SLC2A14: variants seen among roughly 807,000 people sequenced by gnomAD.
SLC2A14 encodes the protein solute carrier family 2, facilitated glucose transporter member 14.
SLC2A14 carries 13 observed loss-of-function variants against 43.0 expected under a neutral mutation model. The ratio of observed to expected loss-of-function variants is 0.30; its 90% CI spans 0.20 to 0.48. The LOEUF (loss-of-function observed/expected upper bound fraction) is 0.48, where lower values mean the gene tolerates loss of function less well. SLC2A14 is among the 20% of genes least tolerant of loss of function. The pLI is 0.99. For missense variants in SLC2A14, 428 were observed against 620.4 expected (o/e 0.69, Z 3.29); for synonymous variants, 190 against 233.8 (o/e 0.81, Z 1.71).
At chr12:7,879,403 C>T (rs114445440) in intron 1 of SLC2A14, among the ~76,000 whole-genome samples, 2,617 of 151,598 alleles carry the variant, frequency 0.017, 68 homozygotes, top group African/African-American at 0.059. Flanking sequence ...AAAAAGAGGC[C>T]AGGTGCTATG....
chr12:7,836,111 C>G (rs1865428802), intron 2 of SLC2A14, among the ~76,000 whole-genome samples: 3 of 152,242 alleles, frequency 2.0e-5, no homozygotes, highest in East Asian at 3.9e-4. Flanking sequence ...GTGAATTATC[C>G]TAAATCAAAA....
chr12:7,849,854 G>A (rs1262844550), intron 2 of SLC2A14, among the ~76,000 whole-genome samples: 3 of 149,478 alleles, frequency 2.0e-5, no homozygotes, highest in Admixed American at 6.7e-5. Flanking sequence ...GCAGTGAGCC[G>A]AGATCAGGGC....
At position 7,881,336 on chromosome 12, in the gene SLC2A14, CG is replaced by C. The variant is rs751172217; in HGVS notation, c.132+9659del. On this transcript the variant is annotated intron_variant, in intron 1 of 9. Coordinates refer to the SLC2A14 transcript ENST00000539924. Reference sequence around the variant, plus strand: ...GGTGCTTGCGGGCCAGCACGAGTTCCGGGTGGGTTTGGGCTCGGCGGGCCCC... The same window carrying C: ...GGTGCTTGCGGGCCAGCACGAGTTCCGGTGGGTTTGGGCTCGGCGGGCCCC... 1.1e-4 allele frequency among the ~76,000 whole-genome samples: 16 copies of C among 151,722 alleles called. No individual in the cohort carries two copies. The East Asian group carries it at 2.9e-3, about 28-fold the overall frequency.
At chr12:7,850,227 A>T (rs73057321) in intron 2 of SLC2A14, among the ~76,000 whole-genome samples, 19,562 of 151,868 alleles carry the variant, frequency 0.13, 1,309 homozygotes, top group Non-Finnish European at 0.14. Flanking sequence ...GTTTGTGGGA[A>T]GGCTGGGGAA....
chr12:7,832,100 T>G (rs1303936356), intron 3 of SLC2A14, among the ~76,000 whole-genome samples: 1 of 152,234 alleles, frequency 6.6e-6, no homozygotes, highest in East Asian at 1.9e-4. Flanking sequence ...AGAGCGAGAC[T>G]ACATCTCAAA....
chr12:7,877,869 A>G (rs1437904768), upstream of SLC2A14, among the ~76,000 whole-genome samples: 2 of 152,176 alleles, frequency 1.3e-5, no homozygotes, highest in Non-Finnish European at 2.9e-5. Flanking sequence ...CAGCCTACCA[A>G]GTAGCTGGGA....
At chr12:7,863,840 C>G (rs1009640968) in intron 2 of SLC2A14, among the ~76,000 whole-genome samples, 3 of 146,790 alleles carry the variant, frequency 2.0e-5, no homozygotes, top group Non-Finnish European at 4.5e-5. Flanking sequence ...TTTTTTGAGA[C>G]GGAGTCTCAC....
chr12:7,884,286 T>G (rs1945652093), intron 1 of SLC2A14, among the ~76,000 whole-genome samples: 2 of 152,124 alleles, frequency 1.3e-5, no homozygotes, highest in Admixed American at 1.3e-4. Flanking sequence ...ATAATTAAAC[T>G]TATTTACTCC....
At chr12:7,846,415 A>C (rs1253919130) in intron 2 of SLC2A14, among the ~76,000 whole-genome samples, 1 of 152,046 alleles carries the variant, frequency 6.6e-6, no homozygotes, top group Admixed American at 6.6e-5. Context: ...AAAAAAAAAA[A>C]AAACTTTATC....
chr12:7,882,852 C>G (rs922397030), intron 1 of SLC2A14, among the ~76,000 whole-genome samples: 2 of 150,118 alleles, frequency 1.3e-5, no homozygotes, highest in African/African-American at 4.9e-5. Context: ...TTGCTTGAGA[C>G]TTGTTCACCA....
At chr12:7,882,320 C>T (rs781590098) in intron 1 of SLC2A14, among the ~76,000 whole-genome samples, 6 of 151,994 alleles carry the variant, frequency 3.9e-5, no homozygotes, top group Non-Finnish European at 8.8e-5. Context: ...GGGAGACCAC[C>T]AACCCACCAG....
At chr12:7,889,875 A>C (rs1945747019) in intron 1 of SLC2A14, among the ~76,000 whole-genome samples, 1 of 152,014 alleles carries the variant, frequency 6.6e-6, no homozygotes, top group South Asian at 2.1e-4. Flanking sequence ...ATGCTAAACA[A>C]CGGGTGGATT....
upstream of SLC2A14, among the ~76,000 whole-genome samples, chr12:7,877,627 G>A (rs1355395840): frequency 9.9e-5 from 15 of 151,544 alleles, no homozygotes; most frequent in African/African-American, 2.9e-4. Context: ...AGTTCACCAC[G>A]TTGGCCAGTC....
chr12:7,826,868 T>G (rs1385360628), intron 7 of SLC2A14, among the ~76,000 whole-genome samples: 1 of 51,072 alleles, frequency 2.0e-5, no homozygotes, highest in Non-Finnish European at 3.9e-5. Flanking sequence ...CTTTTTTCTT[T>G]CTTTCTTTCT....
chr12:7,821,018 C>T (rs1863866652), intron 8 of SLC2A14, among the ~76,000 whole-genome samples: 1 of 152,038 alleles, frequency 6.6e-6, no homozygotes, highest in South Asian at 2.1e-4. Flanking sequence ...ACCCAGGAGG[C>T]TGAGGTTGCA....
intron 2 of SLC2A14, among the ~76,000 whole-genome samples, chr12:7,833,219 G>A (rs1481859080): frequency 2.0e-5 from 3 of 152,180 alleles, no homozygotes; most frequent in Non-Finnish European, 4.4e-5. Context: ...CAAATACAGT[G>A]CAGTCTGATC....
In SLC2A14 at chr12:7,816,207, C is replaced by T. The variant is rs1433780154; in HGVS notation, c.1275+1624G>A. Among the ~76,000 whole-genome samples, 2 of 110,362 alleles carry T rather than the reference C, an allele frequency of 1.8e-5. 1 individual carries two copies. The highest frequency in any genetic ancestry group is 3.7e-5 in the Non-Finnish European group (2 of 54,114). The allele number at this position is 110,362 out of a possible 152,430, so 72.4% of individuals were successfully genotyped here. A position where few individuals can be genotyped will look rare whatever the true frequency, so the allele number is the denominator to read the frequency against. Reference sequence around the variant, plus strand: ...GCAAGCTCCGCTTCCCGGGTTCACGCCATTCTCCTGCCTCAGCCTCCCGAG... The same window carrying T: ...GCAAGCTCCGCTTCCCGGGTTCACGTCATTCTCCTGCCTCAGCCTCCCGAG... On this transcript the variant is annotated intron_variant, in intron 10 of 10. Coordinates refer to ENST00000431042, the MANE Select transcript of SLC2A14 (RefSeq NM_001286234.2).
At chr12:7,869,829 C>T in intron 2 of SLC2A14, 34 bp downstream of exon 2, 1 of 1,360,526 alleles carries the variant, frequency 7.4e-7, no homozygotes, top group Non-Finnish European at 1.0e-6. Context: ...TCTGACAAAC[C>T]AATTTGATAT....
At chr12:7,834,619 C>G (rs1253501075) in intron 2 of SLC2A14, among the ~76,000 whole-genome samples, 1 of 148,582 alleles carries the variant, frequency 6.7e-6, no homozygotes, top group Non-Finnish European at 1.5e-5. Flanking sequence ...ATAGACCCAG[C>G]TACTTGGGAG....
Sources: allele counts gnomAD v4.1 joint callset (sites outside exome capture counted in the v4.1 genomes callset), GRCh38; gene constraint gnomAD v4.1.1; transcripts MANE v1.5; gene names NCBI Gene and HGNC (gene_info 2026-07-23, HGNC 2026-07-21).